TEP1: variants seen among roughly 807,000 people sequenced by gnomAD.
TEP1 encodes telomerase associated protein 1, also known as telomerase protein component 1.
In TEP1, 241 loss-of-function variants were observed where a neutral mutation model predicts 306.3. The observed-to-expected ratio is 0.79, with a 90% CI of 0.71 to 0.88. TEP1 has a LOEUF of 0.88. Ranked by LOEUF, TEP1 falls within the 40% of genes least tolerant of loss-of-function variation. The pLI is 0.00. For missense variants in TEP1, 3,051 were observed against 3,276.1 expected, an observed-to-expected ratio of 0.93 and a Z score of 1.68; for synonymous variants, 1,289 against 1,305.5, an observed-to-expected ratio of 0.99 and a Z score of 0.27.
intron 8 of TEP1, 113 bp downstream of exon 8, chr14:20,401,344 G>C: frequency 6.7e-7 from 1 of 1,484,514 alleles, no homozygotes; most frequent in Non-Finnish European, 9.1e-7. Context: ...TACAGGGCAT[G>C]TCTGTCTAAA....
In TEP1 at chr14:20,381,778, A is replaced by G. The variant is rs887904028; in HGVS notation, c.4425-92T>C. 2.0e-6 allele frequency: 3 copies of G among 1,532,496 alleles called. No homozygotes were observed. The African/African-American group carries it at 4.2e-5, about 21-fold the overall frequency. 94.9% of individuals were successfully genotyped at this position (1,532,496 alleles called of 1,614,324 possible). ...GTGGGCTCCTATTCCCCCCTCAAATAGCGGAAACTGGAGCAGCTGGAGCAG... is the reference window on the plus strand; with the variant it reads ...GTGGGCTCCTATTCCCCCCTCAAATGGCGGAAACTGGAGCAGCTGGAGCAG... On this transcript the variant is annotated intron_variant, in intron 30 of 54. Transcript: ENST00000262715. The surrounding 1 kb of genome is among the most constrained non-coding windows in gnomAD (Gnocchi z 4.0).
At chr14:20,371,154 C>A in intron 51 of TEP1, 64 bp downstream of exon 51, 1 of 1,431,800 alleles carries the variant, frequency 7.0e-7, no homozygotes, top group Non-Finnish European at 9.9e-7. Flanking sequence ...TGACGGGCCC[C>A]AAGGTGTAAA....
intron 51 of TEP1, 57 bp from the exon 52 acceptor site, chr14:20,369,836 A>G: frequency 7.1e-7 from 1 of 1,404,980 alleles, no homozygotes; most frequent in Admixed American, 1.7e-5. Context: ...CTTGTACCAG[A>G]CAAAACAACA....
In TEP1 at chr14:20,377,498, G is replaced by C. The variant is rs1473083132; in HGVS notation, c.5876-6C>G. 1 of 1,613,496 alleles carries C rather than the reference G, an allele frequency of 6.2e-7. No homozygotes were observed. Among genetic ancestry groups the C allele is most frequent in the South Asian group, 1.1e-5 (1 of 91,068 alleles). On this transcript the variant is annotated splice_polypyrimidine_tract_variant and splice_region_variant and intron_variant, in intron 40 of 54. Transcript: ENST00000262715. ...ACCCTGAGCCCCCTGGGAACCTAGA[G>C]AATGAGAGAGAACAAGGGAGTAAGA...
intron 1 of TEP1, among the ~76,000 whole-genome samples, chr14:20,412,614 A>G (rs1879757929): frequency 6.6e-6 from 1 of 150,978 alleles, no homozygotes; most frequent in African/African-American, 2.4e-5. Context: ...GTTAGATGCT[A>G]TTCTGCACTT....
rs1443570666 is a variant in TEP1, at chr14:20,378,856, A to G, written c.5253-3T>C. 1 of 1,614,164 alleles carries G rather than the reference A, an allele frequency of 6.2e-7. No homozygotes were observed. Among genetic ancestry groups the G allele is most frequent in the Non-Finnish European group, 8.5e-7 (1 of 1,179,994 alleles). The stretch of plus-strand genomic sequence containing the variant: ...GGTGAGCCTTAGTCTGCAGCACCCT[A>G]TCCCAGGAAGATGAAGTCAGTCCTC... On this transcript the variant is annotated splice_polypyrimidine_tract_variant and splice_region_variant and intron_variant, in intron 36 of 54. Coordinates refer to ENST00000262715, the MANE Select transcript of TEP1 (RefSeq NM_007110.5).
At position 20,382,588 on chromosome 14, in the gene TEP1, T is replaced by C. The variant is rs185363760; in HGVS notation, c.4140+35A>G. The C allele has an allele frequency of 7.6e-6, 12 of 1,584,598 alleles. No homozygotes were observed. The South Asian group carries it at 8.8e-5, about 12-fold the overall frequency. On this transcript the variant is annotated intron_variant, in intron 28 of 54. Transcript: ENST00000262715. ...AAGCAGCTGAAGAGAGAATGGGAAG[T>C]AGTGATTAGGACTTGGAAGGTGATG...
chr14:20,405,428 T>C, intron 4 of TEP1, 23 bp downstream of exon 4: 8 of 1,611,418 alleles, frequency 5.0e-6, no homozygotes, highest in Non-Finnish European at 6.8e-6. Context: ...CACACCCCCA[T>C]CCCCTCCTTC....
intron 19 of TEP1, 58 bp from the exon 20 acceptor site, chr14:20,386,253 A>T: frequency 6.2e-7 from 1 of 1,610,158 alleles, no homozygotes. Context: ...ATCAGGGAAC[A>T]TAGGCACAAA....
Position 20,384,514 on chromosome 14 carries a change from G to C in TEP1, c.3222-6C>G, listed in dbSNP as rs1304407613. The C allele has an allele frequency of 6.2e-7, 1 of 1,613,998 alleles. No individual in the cohort carries two copies. Among genetic ancestry groups the C allele is most frequent in the Non-Finnish European group, 8.5e-7 (1 of 1,180,016 alleles). On this transcript the variant is annotated splice_region_variant and splice_polypyrimidine_tract_variant and intron_variant, in intron 22 of 54. Coordinates refer to ENST00000262715, the MANE Select transcript of TEP1 (RefSeq NM_007110.5). ...CCCCCCACTCACAGGGGTATCTGTGGGCAAATCAAGCACAACCAGGTCAGA... is the reference window on the plus strand; with the variant it reads ...CCCCCCACTCACAGGGGTATCTGTGCGCAAATCAAGCACAACCAGGTCAGA...
rs1885050467 is a variant in TEP1, at chr14:20,374,442, G to A, written c.6458C>T (p.Ala2153Val). Residue 2153 changes from alanine (A) to valine (V), a missense_variant, in exon 44 of 55, where the codon GCT becomes GTT. Physicochemically the swap from Ala to Val is moderately conservative, Grantham distance 64 (BLOSUM62 0). Transcript: ENST00000262715. The part of the protein sequence containing the change: ...QFLGHQSAVS[A>V]VAAVEEHVVS... ...TTGCTTTCTCACCACAGCTGCCACAGCGCTCACAGCACTCTGATGACCCAG... is the reference window on the plus strand; with the variant it reads ...TTGCTTTCTCACCACAGCTGCCACAACGCTCACAGCACTCTGATGACCCAG... 1 of 1,612,556 alleles carries A rather than the reference G, an allele frequency of 6.2e-7. No homozygotes were observed. The highest frequency in any genetic ancestry group is 8.5e-7 in the Non-Finnish European group (1 of 1,179,728).
chr14:20,384,636 C>T lies in TEP1; in HGVS notation c.3185G>A (p.Ser1062Asn). The change falls in exon 22 of 55, where the codon AGC becomes AAC. Residue 1062 changes from serine to asparagine, a missense_variant. Ser to Asn is a conservative substitution (Grantham distance 46, BLOSUM62 1). Transcript: ENST00000262715. ...EAARRISELK[S>N]YLSRQKGITC... ...GATCCCTTTCTGTCTGCTTAGGTAG[C>T]TCTTCAGTTCTGAGATCCGACGTGC... 2 of 1,614,088 alleles carry T rather than the reference C, an allele frequency of 1.2e-6. No individual in the cohort carries two copies. The highest frequency in any genetic ancestry group is 2.2e-5 in the South Asian group (2 of 91,076).
chr14:20,392,778 T>C (rs149050411), intron 12 of TEP1, among the ~76,000 whole-genome samples: 2 of 152,356 alleles, frequency 1.3e-5, no homozygotes, highest in South Asian at 2.1e-4. Flanking sequence ...TTGTCAGGTA[T>C]ATTAATGACA....
Position 20,383,514 on chromosome 14 carries a change from C to T in TEP1, c.3841G>A (p.Asp1281Asn), listed in dbSNP as rs1157112844. 5 of 1,614,114 alleles carry T rather than the reference C, an allele frequency of 3.1e-6. No individual in the cohort carries two copies. Among genetic ancestry groups the T allele is most frequent in the Non-Finnish European group, 3.4e-6 (4 of 1,180,038 alleles). Residue 1281 changes from aspartate to asparagine, a missense_variant, in exon 26 of 55, where the codon GAC (aspartate) becomes AAC (asparagine). By Grantham distance (23) the Asp-to-Asn change is conservative. Coordinates refer to ENST00000262715, the MANE Select transcript of TEP1 (RefSeq NM_007110.5). ...CGGGGAAGCTTCTTTGGGATCCAGT[C>T]TGAAATCAGCTGCCCATTCTGGTCC... ...LVDQNGQLIS[D>N]WIPKKLPRCV... is the part of the protein sequence containing the mutation.
intron 5 of TEP1, among the ~76,000 whole-genome samples, chr14:20,404,303 C>T (rs925675281): frequency 4.2e-5 from 6 of 144,208 alleles, no homozygotes; most frequent in South Asian, 2.1e-4. Flanking sequence ...TGCAGTGAGC[C>T]GAGATCACGC....
At chr14:20,400,519 A>C (rs1455714525) in intron 9 of TEP1, 1 of 144,562 alleles carries the variant, frequency 6.9e-6, no homozygotes, top group Non-Finnish European at 1.5e-5. Context: ...AAAAAAAAAA[A>C]AAACAGAGAA....
At chr14:20,376,692 C>G (rs897045981) in intron 41 of TEP1, among the ~76,000 whole-genome samples, 1 of 152,174 alleles carries the variant, frequency 6.6e-6, no homozygotes, top group African/African-American at 2.4e-5. Flanking sequence ...TAAGGGAAAC[C>G]TATCCCTTTT....
chr14:20,377,611 T>C lies in TEP1; in HGVS notation c.5864A>G (p.Lys1955Arg), dbSNP rs34895824. The C allele has an allele frequency of 2.7e-3, 4,372 of 1,613,960 alleles. 10 individuals carry two copies. The highest frequency in any genetic ancestry group is 0.013 in the Middle Eastern group (80 of 6,062). Residue 1955 changes from lysine (K) to arginine (R), a missense_variant, in exon 40 of 55, where the codon AAA (lysine) becomes AGA (arginine). Around this residue, in one of 3 missense-constraint regions of TEP1, gnomAD observed 1,540 missense variants for 1,705.9 expected, o/e 0.90. Transcript: ENST00000262715. ...GYRADGIRIYKISSGSQGAQG... is the reference protein window; with the variant it reads ...GYRADGIRIYRISSGSQGAQG... ...TCCCATTTCAGTACCTGAAGAGATT[T>C]TGTAGATCCTAATGCCATCCGCTCG...
rs1876660593 is a variant in TEP1, at chr14:20,382,464, T to A, written c.4141-108A>T. The A allele has an allele frequency of 2.6e-6, 4 of 1,537,476 alleles. No individual in the cohort carries two copies. The East Asian group carries it at 9.1e-5, about 35-fold the overall frequency. The stretch of plus-strand genomic sequence containing the variant: ...AGGACAGTGTGGAGGAATGAAAAAG[T>A]AAAGAACAACAGTAGGAGGGAAGTG... On this transcript the variant is annotated intron_variant, in intron 28 of 54. Coordinates refer to ENST00000262715, the MANE Select transcript of TEP1 (RefSeq NM_007110.5).
Sources: gnomAD v4.1 joint callset for allele counts (sites outside exome capture counted in the v4.1 genomes callset) on GRCh38, gnomAD v4.1.1 for gene constraint, gnomAD v4.1.1 regional missense constraint, Gnocchi (gnomAD v3.1) non-coding constraint, MANE v1.5 for transcripts, NCBI Gene and HGNC (gene_info 2026-07-23, HGNC 2026-07-21) for gene names.